JAKMIP2: variants seen among roughly 807,000 people sequenced by gnomAD.
The protein encoded by JAKMIP2 is janus kinase and microtubule interacting protein 2, also known as janus kinase and microtubule-interacting protein 2.
In JAKMIP2, 25 loss-of-function variants were observed where a neutral mutation model predicts 115.0. The ratio of observed to expected loss-of-function variants is 0.22; its 90% CI spans 0.16 to 0.30. JAKMIP2 has a LOEUF of 0.30. Among genes scored for constraint, JAKMIP2 ranks in the 10% least tolerant of loss-of-function variants. The pLI is 1.00. For missense variants in JAKMIP2, 642 were observed against 957.6 expected (o/e 0.67, Z 4.35); for synonymous variants, 334 against 343.6 (o/e 0.97, Z 0.31).
chr5:147,643,702 A>G (rs2126725273), intron 7 of JAKMIP2, among the ~76,000 whole-genome samples: 1 of 152,332 alleles, frequency 6.6e-6, no homozygotes, highest in African/African-American at 2.4e-5. Flanking sequence ...TGATGTTGTT[A>G]GCATAGACAA....
At position 147,661,440 on chromosome 5, in the gene JAKMIP2, T is replaced by C. The variant is rs768978107; in HGVS notation, c.135A>G (p.Ser45=). 6.2e-7 allele frequency: 1 copy of C among 1,609,694 alleles called. No homozygotes were observed. Among genetic ancestry groups the C allele is most frequent in the Non-Finnish European group, 8.5e-7 (1 of 1,178,310 alleles). The stretch of plus-strand genomic sequence containing the variant: ...CTTGAGTCTTCTCTCTTTCAAGCTT[T>C]GATACCTAAAAACAGAGAGGCGAAA... ...IELHQEKSKV[S]KLEREKTQEA... The change falls in exon 3 of 22, where the codon TCA becomes TCG. Residue 45 remains serine, a synonymous_variant. Coordinates refer to ENST00000616793, the MANE Select transcript of JAKMIP2 (RefSeq NM_001270941.2).
At chr5:147,627,048 A>G (rs968696700) in intron 16 of JAKMIP2, among the ~76,000 whole-genome samples, 1 of 152,170 alleles carries the variant, frequency 6.6e-6, no homozygotes, top group Non-Finnish European at 1.5e-5. Context: ...ATGACTTACT[A>G]CATGTGCTGG....
At chr5:147,631,581 C>G in intron 13 of JAKMIP2, 70 bp from the exon 14 acceptor site, 1 of 958,066 alleles carries the variant, frequency 1.0e-6, no homozygotes, top group South Asian at 1.5e-5. Context: ...AACCAGTGGT[C>G]TCTTTATGCT....
chr5:147,712,588 ATC>A (rs1249290133), intron 1 of JAKMIP2, among the ~76,000 whole-genome samples: 1 of 152,064 alleles, frequency 6.6e-6, no homozygotes, highest in Non-Finnish European at 1.5e-5. Flanking sequence ...CTGCATTCTC[ATC>A]TCTTCGTGTG....
At chr5:147,782,344 C>T in intron 1 of JAKMIP2, 112 bp downstream of exon 1, 2 of 1,065,576 alleles carry the variant, frequency 1.9e-6, no homozygotes, top group South Asian at 1.3e-5. Flanking sequence ...CACATCTCCC[C>T]CTTCTAGTCT....
intron 1 of JAKMIP2, among the ~76,000 whole-genome samples, chr5:147,776,184 T>A (rs1755548359): frequency 2.0e-5 from 3 of 152,204 alleles, no homozygotes; most frequent in Non-Finnish European, 4.4e-5. Context: ...AACTACATCT[T>A]GGTGATATGG....
chr5:147,712,692 G>C (rs1212082863), intron 1 of JAKMIP2, among the ~76,000 whole-genome samples: 1 of 152,068 alleles, frequency 6.6e-6, no homozygotes, highest in African/African-American at 2.4e-5. Flanking sequence ...TGTTTCACTT[G>C]GTTGCTCCCT....
intron 2 of JAKMIP2, among the ~76,000 whole-genome samples, chr5:147,670,053 C>T (rs143943415): frequency 2.5e-3 from 378 of 152,262 alleles, no homozygotes; most frequent in South Asian, 3.9e-3. Flanking sequence ...AATAATGCCC[C>T]GTGTCTTCTG....
chr5:147,647,071 A>G (rs1002446332), intron 5 of JAKMIP2, among the ~76,000 whole-genome samples: 47 of 152,066 alleles, frequency 3.1e-4, no homozygotes, highest in African/African-American at 1.1e-3. Context: ...AACATGTAAC[A>G]TTGCTAAAAT....
At chr5:147,762,645 C>T (rs750531707) in intron 1 of JAKMIP2, among the ~76,000 whole-genome samples, 1 of 152,042 alleles carries the variant, frequency 6.6e-6, no homozygotes, top group Non-Finnish European at 1.5e-5. Context: ...CTTATGACCT[C>T]ATTTAACCTT....
chr5:147,622,009 A>G (rs1756874531), intron 17 of JAKMIP2, among the ~76,000 whole-genome samples: 1 of 152,132 alleles, frequency 6.6e-6, no homozygotes, highest in African/African-American at 2.4e-5. Flanking sequence ...CTGGGATTAC[A>G]GGCATGTGCC....
intron 6 of JAKMIP2, 55 bp from the exon 7 acceptor site, chr5:147,644,253 G>A (rs902321937): frequency 7.0e-7 from 1 of 1,427,782 alleles, no homozygotes; most frequent in Non-Finnish European, 9.3e-7. Context: ...TCAAACTTTG[G>A]TTGTTAACAT....
At chr5:147,595,264 T>C (rs906362265) in intron 21 of JAKMIP2, among the ~76,000 whole-genome samples, 3 of 152,218 alleles carry the variant, frequency 2.0e-5, no homozygotes, top group Admixed American at 6.5e-5. Context: ...AAATTCATGC[T>C]GAAAGTTAAT....
intron 1 of JAKMIP2, among the ~76,000 whole-genome samples, chr5:147,738,590 T>C (rs4705192): frequency 0.45 from 68,470 of 151,894 alleles, 16,383 homozygotes; most frequent in African/African-American, 0.61. Flanking sequence ...TTGCAGATAA[T>C]AAGACTGAAA....
chr5:147,736,873 A>G (rs182493498), intron 1 of JAKMIP2, among the ~76,000 whole-genome samples: 1 of 152,274 alleles, frequency 6.6e-6, no homozygotes, highest in East Asian at 1.9e-4. Context: ...GTTTTCTACA[A>G]TAGACATTGT....
intron 3 of JAKMIP2, among the ~76,000 whole-genome samples, chr5:147,656,500 A>G (rs1007229773): frequency 1.3e-5 from 2 of 152,134 alleles, no homozygotes; most frequent in African/African-American, 4.8e-5. Flanking sequence ...AGAGACTAGG[A>G]TTGCAACCTC....
intron 1 of JAKMIP2, among the ~76,000 whole-genome samples, chr5:147,677,005 G>A (rs1242217370): frequency 6.6e-5 from 10 of 152,198 alleles, no homozygotes; most frequent in Non-Finnish European, 1.0e-4. Context: ...CTGATACACA[G>A]GCATCTCTGA....
chr5:147,638,092 G>A (rs573868754), intron 10 of JAKMIP2, among the ~76,000 whole-genome samples: 17 of 152,222 alleles, frequency 1.1e-4, no homozygotes, highest in African/African-American at 1.4e-4. Context: ...GTGAATTGAT[G>A]TTGACTGTAA....
chr5:147,732,282 A>C (rs929895857), intron 1 of JAKMIP2, among the ~76,000 whole-genome samples: 1 of 152,186 alleles, frequency 6.6e-6, no homozygotes, highest in African/African-American at 2.4e-5. Context: ...AAAGCATCCC[A>C]TGTGAATCCA....
Sources: allele counts gnomAD v4.1 joint callset (sites outside exome capture counted in the v4.1 genomes callset), GRCh38; gene constraint gnomAD v4.1.1; transcripts MANE v1.5; gene names NCBI Gene and HGNC (gene_info 2026-07-23, HGNC 2026-07-21).